The following MAPK10 variants were observed in gnomAD, a reference collection of about 807,000 sequenced individuals.
MAPK10 encodes the protein JNK3 alpha protein kinase.
In MAPK10, 25 loss-of-function variants were observed where a neutral mutation model predicts 59.3. The observed-to-expected ratio is 0.42, with a 90% CI of 0.31 to 0.59. MAPK10 has a LOEUF of 0.59. Ranked by LOEUF, MAPK10 falls within the 20% of genes least tolerant of loss-of-function variation. The pLI is 0.15. For synonymous variants in MAPK10, 190 were observed against 200.5 expected (o/e 0.95, Z 0.44); for missense variants, 351 against 568.9 (o/e 0.62, Z 3.90).
intron 2 of MAPK10, among the ~76,000 whole-genome samples, chr4:86,271,003 A>G (rs534264020): frequency 2.0e-5 from 3 of 152,082 alleles, no homozygotes; most frequent in Non-Finnish European, 4.4e-5. Context: ...TTTTGTGGAC[A>G]TATACTTTCA....
upstream of MAPK10, among the ~76,000 whole-genome samples, chr4:86,364,964 C>G (rs140406278): frequency 3.9e-3 from 596 of 152,046 alleles, 3 homozygotes; most frequent in African/African-American, 0.014. Flanking sequence ...TGAGAGCCCT[C>G]CCCACCAAAT....
intron 1 of MAPK10, among the ~76,000 whole-genome samples, chr4:86,438,269 G>A (rs1749000947): frequency 1.3e-5 from 2 of 152,260 alleles, no homozygotes; most frequent in African/African-American, 4.8e-5. Flanking sequence ...TTATAAAAGA[G>A]ATCATTGGGT....
intron 1 of MAPK10, among the ~76,000 whole-genome samples, chr4:86,481,500 A>G (rs1753614759): frequency 6.6e-6 from 1 of 151,602 alleles, no homozygotes; most frequent in African/African-American, 2.4e-5. Context: ...CCATGTAGCC[A>G]TGCAATCCCT....
intron 2 of MAPK10, among the ~76,000 whole-genome samples, chr4:86,232,864 T>G (rs2091774530): frequency 6.8e-6 from 1 of 147,780 alleles, no homozygotes; most frequent in African/African-American, 2.5e-5. Flanking sequence ...TGCTTTGTTG[T>G]TGGTAATAAA....
Position 86,107,193 on chromosome 4 carries a change from T to G in MAPK10, c.366+30A>C, listed in dbSNP as rs762415038. ...TTTTTCCAATCTTACAAACTCCCACTGCCAGAAGTTTAAAAATAACAAAAC... is the reference window on the plus strand; with the variant it reads ...TTTTTCCAATCTTACAAACTCCCACGGCCAGAAGTTTAAAAATAACAAAAC... On this transcript the variant is annotated intron_variant, in intron 5 of 13. Coordinates refer to ENST00000641462, the MANE Select transcript of MAPK10 (RefSeq NM_138982.4). 5.1e-6 allele frequency: 8 copies of G among 1,581,560 alleles called. No individual in the cohort carries two copies. In the Admixed American group the frequency reaches 5.3e-5, roughly 10 times the overall value.
At chr4:86,024,624 TA>T (rs1749264887) in intron 13 of MAPK10, 2 of 152,236 alleles carry the variant, frequency 1.3e-5, no homozygotes, top group African/African-American at 2.4e-5. Context: ...GTATTCGAGT[TA>T]ACAAAACAGT....
At chr4:86,021,601 C>T (rs937042171) in intron 13 of MAPK10, among the ~76,000 whole-genome samples, 23 of 152,252 alleles carry the variant, frequency 1.5e-4, no homozygotes, top group African/African-American at 4.3e-4. Context: ...CTGCGCTGTG[C>T]GCTCGCATTC....
rs1454475700 is a variant in MAPK10, at chr4:86,013,327, T to C, written c.*3901A>G. ...GTGGAAAATGTTGAACTCTTATAAT[T>C]AAAATGTGTGTGGGGGATTGTGAGT... On this transcript the variant is annotated 3_prime_UTR_variant, in exon 14 of 14. Transcript: ENST00000641462. The C allele has an allele frequency of 6.6e-6, 1 of 152,172 alleles. No homozygotes were observed. Among genetic ancestry groups the C allele is most frequent in the African/African-American group, 2.4e-5 (1 of 41,452 alleles). The allele number at this position is 152,172 out of a possible 1,614,324, so 9.4% of individuals were successfully genotyped here.
chr4:86,121,383 G>A (rs543880431), intron 4 of MAPK10, among the ~76,000 whole-genome samples: 1 of 152,214 alleles, frequency 6.6e-6, no homozygotes, highest in Non-Finnish European at 1.5e-5. Context: ...TATCATTCAT[G>A]AGGGCAAATC....
At chr4:86,459,832 TG>T (rs1751569092) in intron 1 of MAPK10, among the ~76,000 whole-genome samples, 1 of 151,912 alleles carries the variant, frequency 6.6e-6, no homozygotes, top group Non-Finnish European at 1.5e-5. Flanking sequence ...GCTCGGGTGA[TG>T]GGTGCACCAA....
intron 1 of MAPK10, among the ~76,000 whole-genome samples, chr4:86,564,759 G>A (rs538356588): frequency 9.1e-4 from 139 of 152,204 alleles, no homozygotes; most frequent in African/African-American, 3.1e-3. Flanking sequence ...CTCAAAGCTC[G>A]GAAAAGGGTG....
Position 86,527,312 on chromosome 4 carries a change from C to CAAAAAAAAAAAAAAAAA in MAPK10, c.-263+66581_-263+66597dup, listed in dbSNP as rs57390422. On this transcript the variant is annotated intron_variant, in intron 1 of 4. Transcript: ENST00000502302. ...GAGCAACAGAGTGAGACACTGTTGC[C>CAAAAAAAAAAAAAAAAA]AAAAAAAAAAAAAAAAAAAAAAAAA... is the stretch of plus-strand genomic sequence containing the variant. Among the ~76,000 whole-genome samples, 24 of 16,196 alleles carry CAAAAAAAAAAAAAAAAA rather than the reference C, an allele frequency of 1.5e-3. 2 individuals carry two copies. Among genetic ancestry groups the CAAAAAAAAAAAAAAAAA allele is most frequent in the Non-Finnish European group, 2.8e-3 (20 of 7,144 alleles). The allele number at this position is 16,196 out of a possible 152,430, so 10.6% of individuals were successfully genotyped here. A position where few individuals can be genotyped will look rare whatever the true frequency, so the allele number is the denominator to read the frequency against.
chr4:86,584,385 A>G (rs1451872922), intron 1 of MAPK10, among the ~76,000 whole-genome samples: 2 of 152,224 alleles, frequency 1.3e-5, no homozygotes, highest in Non-Finnish European at 2.9e-5. Flanking sequence ...GGAAGTTTAC[A>G]GAGCATATAT....
chr4:86,336,524 G>C (rs939721579), intron 2 of MAPK10: 1 of 152,048 alleles, frequency 6.6e-6, no homozygotes, highest in Non-Finnish European at 1.5e-5. Flanking sequence ...GACAAACATG[G>C]AATCATCAAG....
intron 2 of MAPK10, chr4:86,300,902 A>AAAC (rs1554188268): frequency 3.3e-5 from 5 of 151,794 alleles, no homozygotes; most frequent in African/African-American, 1.2e-4. Context: ...TAAAAAAAAA[A>AAAC]AAAAACAACA....
intron 1 of MAPK10, among the ~76,000 whole-genome samples, chr4:86,582,642 C>T (rs945893061): frequency 1.6e-4 from 25 of 152,216 alleles, no homozygotes; most frequent in East Asian, 3.9e-4. Context: ...CTTACACAAA[C>T]GACACTGTGG....
chr4:86,227,286 G>A (rs2090791091), intron 2 of MAPK10, among the ~76,000 whole-genome samples: 1 of 152,050 alleles, frequency 6.6e-6, no homozygotes, highest in Admixed American at 6.5e-5. Context: ...AGGAGATCGA[G>A]ACCATCCTGG....
intron 2 of MAPK10, among the ~76,000 whole-genome samples, chr4:86,230,986 G>A (rs974995158): frequency 1.3e-5 from 2 of 152,114 alleles, no homozygotes; most frequent in Non-Finnish European, 2.9e-5. Context: ...GATGCTGAAC[G>A]AATATCTAAT....
chr4:86,115,877 C>A (rs1580525496), intron 4 of MAPK10, among the ~76,000 whole-genome samples: 1 of 152,198 alleles, frequency 6.6e-6, no homozygotes. Flanking sequence ...GCTGCTCTTA[C>A]ACTAATATGT....
Sources: gnomAD v4.1 joint callset for allele counts (sites outside exome capture counted in the v4.1 genomes callset) on GRCh38, gnomAD v4.1.1 for gene constraint, MANE v1.5 for transcripts, NCBI Gene and HGNC (gene_info 2026-07-23, HGNC 2026-07-21) for gene names.